SEMA4D: variants seen among roughly 807,000 people sequenced by gnomAD.
SEMA4D encodes semaphorin-4D.
SEMA4D carries 22 observed loss-of-function variants against 74.8 expected under a neutral mutation model. The observed-to-expected ratio is 0.29, with a 90% CI of 0.21 to 0.42. The LOEUF (loss-of-function observed/expected upper bound fraction) is 0.42, where lower values mean the gene tolerates loss of function less well. Among genes scored for constraint, SEMA4D ranks in the 10% least tolerant of loss-of-function variants. The pLI is 1.00. For missense variants in SEMA4D, 937 were observed against 1,118.4 expected, an observed-to-expected ratio of 0.84 and a Z score of 2.31; for synonymous variants, 445 against 463.7, an observed-to-expected ratio of 0.96 and a Z score of 0.52.
intron 1 of SEMA4D, among the ~76,000 whole-genome samples, chr9:89,481,462 G>C (rs1228814277): frequency 6.6e-6 from 1 of 152,216 alleles, no homozygotes; most frequent in Admixed American, 6.5e-5. Context: ...CATAAGAACT[G>C]GAGGGCCCTT....
chr9:89,375,822 G>A (rs1418989301), downstream of SEMA4D, among the ~76,000 whole-genome samples: 1 of 152,182 alleles, frequency 6.6e-6, no homozygotes, highest in East Asian at 1.9e-4. Context: ...ATGCCTCCAG[G>A]TCCCAGAGGA....
chr9:89,495,175 C>T (rs897296537), intron 1 of SEMA4D, among the ~76,000 whole-genome samples: 7 of 152,134 alleles, frequency 4.6e-5, no homozygotes, highest in Non-Finnish European at 7.4e-5. Flanking sequence ...TGTGGGAAGG[C>T]GGCTGCTGAT....
At chr9:89,370,121 GGT>G (rs993030318) in intron 16 of SEMA4D, among the ~76,000 whole-genome samples, 5 of 151,500 alleles carry the variant, frequency 3.3e-5, no homozygotes, top group East Asian at 1.9e-4. Flanking sequence ...GTGTGTGTGT[GGT>G]GTGTGTTGGT....
chr9:89,497,721 C>G (rs1826145182), intron 1 of SEMA4D, among the ~76,000 whole-genome samples, 198 bp downstream of exon 1: 1 of 151,096 alleles, frequency 6.6e-6, no homozygotes, highest in Non-Finnish European at 1.5e-5. Context: ...CCAGGAGGGG[C>G]CCCGGGGGGA....
At chr9:89,450,421 A>G in intron 2 of SEMA4D, 1 of 1,338,998 alleles carries the variant, frequency 7.5e-7, no homozygotes, top group Non-Finnish European at 1.1e-6. Context: ...GATGAGAAGA[A>G]GGCTTGGATG....
At chr9:89,425,444 T>A (rs1449086992) in intron 2 of SEMA4D, among the ~76,000 whole-genome samples, 1 of 152,186 alleles carries the variant, frequency 6.6e-6, no homozygotes, top group Non-Finnish European at 1.5e-5. Context: ...TTCTACTGGG[T>A]TCTGCGAGGG....
chr9:89,438,342 G>C (rs1157695035), intron 2 of SEMA4D, among the ~76,000 whole-genome samples: 1 of 152,250 alleles, frequency 6.6e-6, no homozygotes, highest in Admixed American at 6.5e-5. Flanking sequence ...GGCCTGGAGA[G>C]AGCTTTCAGG....
chr9:89,464,860 G>A (rs1284174226), intron 1 of SEMA4D, among the ~76,000 whole-genome samples: 1 of 152,246 alleles, frequency 6.6e-6, no homozygotes, highest in African/African-American at 2.4e-5. Flanking sequence ...CCCCCAGGGC[G>A]AGGGTCCTGC....
At chr9:89,495,414 T>C (rs929289132) in intron 1 of SEMA4D, among the ~76,000 whole-genome samples, 1 of 151,970 alleles carries the variant, frequency 6.6e-6, no homozygotes, top group Non-Finnish European at 1.5e-5. Flanking sequence ...AGCAGCTATC[T>C]CCTCCAGCAG....
chr9:89,493,734 C>T (rs186001291), intron 1 of SEMA4D, among the ~76,000 whole-genome samples: 105 of 152,326 alleles, frequency 6.9e-4, no homozygotes, highest in African/African-American at 2.0e-3. Context: ...CTATGCAGCA[C>T]GCATCACTTA....
At chr9:89,453,429 T>A (rs948217647) in intron 2 of SEMA4D, among the ~76,000 whole-genome samples, 9 of 152,228 alleles carry the variant, frequency 5.9e-5, no homozygotes, top group Non-Finnish European at 1.0e-4. Flanking sequence ...CCCAGACAGA[T>A]GTCCAAGCCA....
At chr9:89,412,001 C>T (rs1238247743) in intron 2 of SEMA4D, among the ~76,000 whole-genome samples, 1 of 152,236 alleles carries the variant, frequency 6.6e-6, no homozygotes, top group Non-Finnish European at 1.5e-5. Flanking sequence ...TTGCTGCTCC[C>T]TCTTCCAGAC....
chr9:89,371,359 GTGTGTGTCTGGGGTGTGGCA>G (rs1564498012), intron 16 of SEMA4D, among the ~76,000 whole-genome samples: 1 of 129,548 alleles, frequency 7.7e-6, no homozygotes, highest in East Asian at 2.6e-4. Context: ...GTGTTGGGGT[GTGTGTGTCTGGGGTGTGGCA>G]TGTGTGTCTG....
At chr9:89,463,113 C>T (rs1453003578) in intron 1 of SEMA4D, among the ~76,000 whole-genome samples, 2 of 151,960 alleles carry the variant, frequency 1.3e-5, no homozygotes, top group Non-Finnish European at 2.9e-5. Flanking sequence ...CTCTTCTCTG[C>T]ATCCCAGTAC....
chr9:89,477,402 T>C (rs1862044566), intron 1 of SEMA4D, among the ~76,000 whole-genome samples: 1 of 152,150 alleles, frequency 6.6e-6, no homozygotes, highest in South Asian at 2.1e-4. Flanking sequence ...TCACATGTCC[T>C]GCTAATCAAT....
intron 1 of SEMA4D, among the ~76,000 whole-genome samples, chr9:89,488,320 C>T (rs1825350853): frequency 7.1e-6 from 1 of 140,606 alleles, no homozygotes. Context: ...TAGCTCTTTC[C>T]ATTAAAAATT....
At chr9:89,455,240 C>A (rs1051868105) in intron 2 of SEMA4D, among the ~76,000 whole-genome samples, 3 of 152,376 alleles carry the variant, frequency 2.0e-5, no homozygotes, top group South Asian at 2.1e-4. Flanking sequence ...AAATTTCAGA[C>A]AACAAGCAGC....
intron 1 of SEMA4D, among the ~76,000 whole-genome samples, chr9:89,475,819 G>C (rs1255346969): frequency 6.6e-6 from 1 of 152,126 alleles, no homozygotes; most frequent in African/African-American, 2.4e-5. Context: ...ACCATGGCTT[G>C]CACAAATATT....
At chr9:89,372,074 G>A (rs1588120386) in intron 16 of SEMA4D, among the ~76,000 whole-genome samples, 1 of 72,782 alleles carries the variant, frequency 1.4e-5, no homozygotes, top group Non-Finnish European at 2.6e-5. Context: ...TGGGGGCGTG[G>A]TGTGTGTCGG....
Sources: allele counts gnomAD v4.1 joint callset (sites outside exome capture counted in the v4.1 genomes callset), GRCh38; gene constraint gnomAD v4.1.1; transcripts MANE v1.5; gene names NCBI Gene and HGNC (gene_info 2026-07-23, HGNC 2026-07-21).